The following ST6GALNAC6 variants were observed in gnomAD, a reference collection of about 807,000 sequenced individuals.
ST6GALNAC6 encodes the protein alpha-N-acetylgalactosaminide alpha-2,6-sialyltransferase 6.
Under a neutral mutation model 34.3 loss-of-function variants are expected in ST6GALNAC6, and 19 were observed. The ratio of observed to expected loss-of-function variants is 0.55; its 90% CI spans 0.39 to 0.81. ST6GALNAC6 has a LOEUF of 0.81. Among genes scored for constraint, ST6GALNAC6 ranks in the 40% least tolerant of loss-of-function variants. The pLI is 0.00. For synonymous variants in ST6GALNAC6, 185 were observed against 182.1 expected (o/e 1.02, Z -0.13); for missense variants, 377 against 467.7 (o/e 0.81, Z 1.79).
At chr9:127,897,450 C>A (rs1438881541) in intron 2 of ST6GALNAC6, 2 of 987,260 alleles carry the variant, frequency 2.0e-6, no homozygotes, top group African/African-American at 3.5e-5. Flanking sequence ...ACACACCTCG[C>A]TCCTGATTGG....
At chr9:127,906,242 CA>C (rs201475972), upstream of ST6GALNAC6, among the ~76,000 whole-genome samples, 5 of 140,630 alleles carry the variant, frequency 3.6e-5, no homozygotes, top group Non-Finnish European at 1.6e-5. Context: ...AGTCCTCTTG[CA>C]AAAAAAAAAC....
chr9:127,906,273 CA>C (rs1830914137), upstream of ST6GALNAC6, among the ~76,000 whole-genome samples: 1 of 151,824 alleles, frequency 6.6e-6, no homozygotes, highest in Non-Finnish European at 1.5e-5. Context: ...AACAAACAAA[CA>C]AAAAACCCTA....
At position 127,887,484 on chromosome 9, in the gene ST6GALNAC6, C is replaced by G. The variant is rs1379244350; in HGVS notation, c.812G>C (p.Ser271Thr). The G allele has an allele frequency of 2.5e-6, 4 of 1,610,320 alleles. No individual in the cohort carries two copies. In the Admixed American group the frequency reaches 6.7e-5, roughly 27 times the overall value. The change falls in exon 6 of 7, where the codon AGC becomes ACC. Residue 271 changes from serine to threonine, a missense_variant and splice_region_variant. Coordinates refer to ENST00000373146, the MANE Select transcript of ST6GALNAC6 (RefSeq NM_013443.5). Reference sequence around the variant, plus strand: ...GAGGGCGCTGGCAAGGAGGGCTCACCTGCAGTAGTTGGGGGGGACCATGCC... The same window carrying G: ...GAGGGCGCTGGCAAGGAGGGCTCACGTGCAGTAGTTGGGGGGGACCATGCC... ...VYGMVPPNYC[S>T]QRPRLQRMPY... is the part of the protein sequence containing the mutation.
upstream of ST6GALNAC6, among the ~76,000 whole-genome samples, chr9:127,901,211 CAG>C (rs1315490263): frequency 6.6e-5 from 10 of 152,076 alleles, no homozygotes; most frequent in Non-Finnish European, 1.2e-4. Flanking sequence ...TAATATGTAA[CAG>C]GGTAAAATCA....
chr9:127,887,381 GC>G (rs1829839661), intron 6 of ST6GALNAC6, 102 bp downstream of exon 6: 1 of 823,568 alleles, frequency 1.2e-6, no homozygotes, highest in Admixed American at 2.2e-5. Context: ...TGAAGCAGAG[GC>G]CCTCAAAGGC....
upstream of ST6GALNAC6, among the ~76,000 whole-genome samples, chr9:127,905,673 C>A (rs1830898569): frequency 6.6e-6 from 1 of 152,154 alleles, no homozygotes; most frequent in Admixed American, 6.5e-5. Flanking sequence ...GCAGATGAAC[C>A]CCACGAAAAA....
intron 1 of ST6GALNAC6, among the ~76,000 whole-genome samples, chr9:127,898,961 C>T (rs1349450661): frequency 6.6e-6 from 1 of 152,232 alleles, no homozygotes; most frequent in Non-Finnish European, 1.5e-5. Flanking sequence ...GCTGGACGTG[C>T]AGGCGAGCTG....
At chr9:127,902,969 T>C (rs1830810274), upstream of ST6GALNAC6, 1 of 148,790 alleles carries the variant, frequency 6.7e-6, no homozygotes, top group African/African-American at 2.5e-5. Flanking sequence ...AACTGCAATA[T>C]ATAGCATAAT....
chr9:127,892,910 G>A (rs1211566023), intron 4 of ST6GALNAC6, among the ~76,000 whole-genome samples: 1 of 152,058 alleles, frequency 6.6e-6, no homozygotes, highest in Non-Finnish European at 1.5e-5. Context: ...CCCCCTGCCT[G>A]CCAAACTATC....
intron 5 of ST6GALNAC6, among the ~76,000 whole-genome samples, chr9:127,888,010 T>C (rs1432796096): frequency 6.6e-6 from 1 of 152,198 alleles, no homozygotes; most frequent in East Asian, 1.9e-4. Flanking sequence ...CCTGAAGGAG[T>C]AGCCCAGAAC....
intron 5 of ST6GALNAC6, among the ~76,000 whole-genome samples, chr9:127,889,129 G>C (rs909135680): frequency 6.6e-6 from 1 of 151,908 alleles, no homozygotes; most frequent in East Asian, 2.0e-4. Context: ...CAGGTGGATC[G>C]CCTGAGGTCA....
Position 127,891,605 on chromosome 9 carries a change from G to A in ST6GALNAC6, c.298-562C>T, listed in dbSNP as rs576249346. On this transcript the variant is annotated intron_variant, in intron 4 of 6. Coordinates refer to ENST00000373146, the MANE Select transcript of ST6GALNAC6 (RefSeq NM_013443.5). ...CATTCAAGCCTAGATGACAGAGCAA[G>A]ACTCTGTCGAAATAAAGAAAGGTAA... is the stretch of plus-strand genomic sequence containing the variant. 3.0e-3 allele frequency among the ~76,000 whole-genome samples: 453 copies of A among 150,694 alleles called. 2 individuals carry two copies. Among genetic ancestry groups the A allele is most frequent in the Non-Finnish European group, 4.2e-3 (287 of 67,764 alleles).
rs1277981878 is a variant in ST6GALNAC6, at chr9:127,890,218, G to A, written c.704+419C>T. Among the ~76,000 whole-genome samples, 1 of 152,224 alleles carries A rather than the reference G, an allele frequency of 6.6e-6. No homozygotes were observed. Among genetic ancestry groups the A allele is most frequent in the Non-Finnish European group, 1.5e-5 (1 of 68,024 alleles). ...AGATTAGTCACAGCAGGGCATGCTG[G>A]GAGTGATGCATCGCTGGAGCAGAGC... On this transcript the variant is annotated intron_variant, in intron 5 of 6. Transcript: ENST00000373146. This position sits in a 1 kb window ranked among gnomAD's most constrained non-coding sequence, Gnocchi z 4.3.
intron 5 of ST6GALNAC6, among the ~76,000 whole-genome samples, chr9:127,888,996 G>A (rs771256856): frequency 6.6e-6 from 1 of 152,154 alleles, no homozygotes; most frequent in Non-Finnish European, 1.5e-5. Context: ...AAATAAAATT[G>A]TCCTTATTTG....
chr9:127,896,614 G>A (rs76707326), intron 2 of ST6GALNAC6, among the ~76,000 whole-genome samples: 2,163 of 152,316 alleles, frequency 0.014, 24 homozygotes, highest in Non-Finnish European at 0.023. Flanking sequence ...TCCCCTGCTG[G>A]AGGACCTGAC....
intron 6 of ST6GALNAC6, among the ~76,000 whole-genome samples, chr9:127,887,006 TAAG>T (rs1829809613): frequency 6.6e-6 from 1 of 150,672 alleles, no homozygotes; most frequent in South Asian, 2.1e-4. Flanking sequence ...TTCCTTTCCC[TAAG>T]AAGGCGGCAG....
upstream of ST6GALNAC6, chr9:127,904,147 A>T (rs1053163217): frequency 1.3e-5 from 2 of 152,284 alleles, no homozygotes; most frequent in Non-Finnish European, 2.9e-5. Context: ...ATGGTGGCCT[A>T]TGAGTTGGGT....
intron 5 of ST6GALNAC6, among the ~76,000 whole-genome samples, chr9:127,887,914 AC>A: frequency 6.6e-6 from 1 of 152,318 alleles, no homozygotes; most frequent in Middle Eastern, 3.4e-3. Context: ...CATGCTAAAA[AC>A]AGTTGTGCCC....
At chr9:127,905,858 G>A, upstream of ST6GALNAC6, 9 of 831,368 alleles carry the variant, frequency 1.1e-5, no homozygotes, top group Non-Finnish European at 1.3e-5. Flanking sequence ...AAGAAGTCAG[G>A]CCTTGACTCC....
Sources: allele counts gnomAD v4.1 joint callset (sites outside exome capture counted in the v4.1 genomes callset), GRCh38; gene constraint gnomAD v4.1.1; non-coding constraint Gnocchi (gnomAD v3.1); transcripts MANE v1.5; gene names NCBI Gene and HGNC (gene_info 2026-07-23, HGNC 2026-07-21).